CNTN3: variants seen among roughly 807,000 people sequenced by gnomAD.
The protein encoded by CNTN3 is contactin-3.
A neutral mutation model predicts 119.1 loss-of-function variants in CNTN3; 60 were observed. The observed-to-expected ratio is 0.50, with a 90% CI of 0.41 to 0.62. The LOEUF (loss-of-function observed/expected upper bound fraction) is 0.62, where lower values mean the gene tolerates loss of function less well. Ranked by LOEUF, CNTN3 falls within the 20% of genes least tolerant of loss-of-function variation. CNTN3 has a pLI of 0.00. For missense variants in CNTN3, 1,101 were observed against 1,242.4 expected, an observed-to-expected ratio of 0.89 and a Z score of 1.71; for synonymous variants, 450 against 438.7, an observed-to-expected ratio of 1.03 and a Z score of -0.32.
At chr3:74,361,724 C>T (rs1426659750) in intron 11 of CNTN3, among the ~76,000 whole-genome samples, 166 bp downstream of exon 11, 2 of 152,152 alleles carry the variant, frequency 1.3e-5, no homozygotes, top group Non-Finnish European at 2.9e-5. Flanking sequence ...AAACTGAATA[C>T]TCTTACAAAG....
intron 12 of CNTN3, among the ~76,000 whole-genome samples, chr3:74,335,368 G>C (rs1371159136): frequency 6.6e-6 from 1 of 151,998 alleles, no homozygotes; most frequent in African/African-American, 2.4e-5. Flanking sequence ...TGCTAGAATA[G>C]GTACAAAAAG....
chr3:74,339,025 C>A (rs546592448), intron 11 of CNTN3, among the ~76,000 whole-genome samples: 1 of 152,204 alleles, frequency 6.6e-6, no homozygotes, highest in Non-Finnish European at 1.5e-5. Context: ...CTCTTTATAC[C>A]TTAGCCTATC....
At chr3:74,538,156 T>C (rs540915716) in intron 1 of CNTN3, among the ~76,000 whole-genome samples, 1 of 152,268 alleles carries the variant, frequency 6.6e-6, no homozygotes, top group South Asian at 2.1e-4. Context: ...TTGTGTCATC[T>C]GAGCTGATGA....
chr3:74,441,741 G>T (rs563655066), intron 4 of CNTN3, among the ~76,000 whole-genome samples: 1 of 152,192 alleles, frequency 6.6e-6, no homozygotes, highest in South Asian at 2.1e-4. Flanking sequence ...ATTATCCTTT[G>T]GCCCTGTTTG....
Position 74,264,392 on chromosome 3 carries a change from G to C in CNTN3, c.*9C>G, listed in dbSNP as rs1466084. ...TAACTTTCCAATAAATAATAAAAAG[G>C]AGTTAATATCACCACAGGACATATA... On this transcript the variant is annotated 3_prime_UTR_variant, in exon 23 of 23. Coordinates refer to ENST00000263665, the MANE Select transcript of CNTN3 (RefSeq NM_020872.3). 3.1e-3 allele frequency: 4,353 copies of C among 1,407,636 alleles called. 100 individuals carry two copies. The African/African-American group carries it at 0.052, about 17-fold the overall frequency. 87.2% of individuals were successfully genotyped at this position (1,407,636 alleles called of 1,614,324 possible).
chr3:74,528,196 A>C (rs1019489976), intron 1 of CNTN3, among the ~76,000 whole-genome samples: 1 of 151,886 alleles, frequency 6.6e-6, no homozygotes, highest in Non-Finnish European at 1.5e-5. Context: ...CCTTTGATTC[A>C]ATGGAAAATT....
intron 1 of CNTN3, among the ~76,000 whole-genome samples, chr3:74,603,482 C>T (rs1704944111): frequency 6.6e-6 from 1 of 152,142 alleles, no homozygotes. Flanking sequence ...TGATCCAAAG[C>T]TGACCCACAG....
intron 1 of CNTN3, among the ~76,000 whole-genome samples, chr3:74,581,180 G>A (rs942333949): frequency 1.3e-5 from 2 of 151,980 alleles, no homozygotes; most frequent in African/African-American, 2.4e-5. Context: ...AGATGGAAAA[G>A]AAATGTAAAA....
At chr3:74,376,251 C>G (rs1369867623) in intron 5 of CNTN3, among the ~76,000 whole-genome samples, 1 of 152,146 alleles carries the variant, frequency 6.6e-6, no homozygotes, top group East Asian at 1.9e-4. Flanking sequence ...TGCCCAATCC[C>G]CCTGGTTCAT....
At chr3:74,439,851 T>TA (rs1701932191) in intron 4 of CNTN3, among the ~76,000 whole-genome samples, 1 of 152,200 alleles carries the variant, frequency 6.6e-6, no homozygotes, top group East Asian at 1.9e-4. Flanking sequence ...TCAACAACTC[T>TA]AATTAAGTGC....
At chr3:74,561,500 C>G (rs376971603) in intron 1 of CNTN3, among the ~76,000 whole-genome samples, 2 of 152,124 alleles carry the variant, frequency 1.3e-5, no homozygotes. Context: ...AGGGCACTTG[C>G]ACTTGTTGAA....
chr3:74,587,897 C>A (rs954134138), intron 1 of CNTN3, among the ~76,000 whole-genome samples: 11 of 152,094 alleles, frequency 7.2e-5, no homozygotes, highest in Non-Finnish European at 1.2e-4. Flanking sequence ...ATGCTTCCAG[C>A]TTTTGCCCAT....
chr3:74,427,861 C>G (rs77757478), intron 4 of CNTN3, among the ~76,000 whole-genome samples: 338 of 151,944 alleles, frequency 2.2e-3, no homozygotes, highest in Middle Eastern at 0.01. Flanking sequence ...ATGAAAATTA[C>G]AGAATGCTAA....
intron 20 of CNTN3, among the ~76,000 whole-genome samples, chr3:74,271,250 G>A (rs547743672): frequency 3.3e-5 from 5 of 151,924 alleles, no homozygotes; most frequent in South Asian, 4.2e-4. Context: ...TATCATCCAC[G>A]GGCAGTTACG....
chr3:74,347,296 C>T (rs925371809), intron 11 of CNTN3, among the ~76,000 whole-genome samples: 5 of 152,314 alleles, frequency 3.3e-5, no homozygotes, highest in Non-Finnish European at 5.9e-5. Flanking sequence ...GGTTGGAGTG[C>T]AGCAGCATGA....
intron 14 of CNTN3, 28 bp downstream of exon 14, chr3:74,302,662 C>A: frequency 7.3e-7 from 1 of 1,369,994 alleles, no homozygotes; most frequent in East Asian, 2.3e-5. Context: ...TGTGAAGTGA[C>A]AAACTCAAGG....
At chr3:74,433,960 C>T (rs1392300730) in intron 4 of CNTN3, among the ~76,000 whole-genome samples, 1 of 152,162 alleles carries the variant, frequency 6.6e-6, no homozygotes. Context: ...TCACATATTT[C>T]TTGGCATTGT....
At chr3:74,491,536 A>T (rs1702964322) in intron 3 of CNTN3, among the ~76,000 whole-genome samples, 2 of 152,080 alleles carry the variant, frequency 1.3e-5, no homozygotes, top group African/African-American at 4.8e-5. Flanking sequence ...AACAAAAAAA[A>T]CTTGAAGGGA....
intron 1 of CNTN3, among the ~76,000 whole-genome samples, chr3:74,597,717 T>C (rs980924484): frequency 6.6e-6 from 1 of 152,052 alleles, no homozygotes; most frequent in Non-Finnish European, 1.5e-5. Flanking sequence ...TTAAAAGCCG[T>C]CTTTGCAGGT....
Sources: gnomAD v4.1 joint callset for allele counts (sites outside exome capture counted in the v4.1 genomes callset) on GRCh38, gnomAD v4.1.1 for gene constraint, MANE v1.5 for transcripts, NCBI Gene and HGNC (gene_info 2026-07-23, HGNC 2026-07-21) for gene names.